Variants in IDH3A observed in about 807,000 individuals in gnomAD.
IDH3A encodes isocitrate dehydrogenase [NAD] subunit alpha, mitochondrial.
A neutral mutation model predicts 43.3 loss-of-function variants in IDH3A; 23 were observed. The observed-to-expected ratio is 0.53, with a 90% CI of 0.38 to 0.75. The LOEUF is 0.75. Ranked by LOEUF, IDH3A falls within the 30% of genes least tolerant of loss-of-function variation. IDH3A has a pLI of 0.00. For synonymous variants in IDH3A, 154 were observed against 163.5 expected (o/e 0.94, Z 0.44); for missense variants, 329 against 474.4 (o/e 0.69, Z 2.85).
Position 78,161,654 on chromosome 15 carries a change from C to T in IDH3A, c.363C>T (p.Tyr121=), listed in dbSNP as rs750230438. Residue 121 remains tyrosine, a synonymous_variant, in exon 5 of 11, where the codon TAC becomes TAT. Transcript: ENST00000299518. This position sits in a 1 kb window ranked among gnomAD's most constrained non-coding sequence, Gnocchi z 4.8. Reference sequence around the variant, plus strand: ...TGCTGCGCAAAACATTTGACCTTTACGCGAATGTCCGACCATGTGTCTCTA... The same window carrying T: ...TGCTGCGCAAAACATTTGACCTTTATGCGAATGTCCGACCATGTGTCTCTA... ...NLLLRKTFDL[Y]ANVRPCVSIE... is the part of the protein sequence containing the mutation. 2.3e-5 allele frequency: 37 copies of T among 1,614,046 alleles called. No individual in the cohort carries two copies. The highest frequency in any genetic ancestry group is 1.9e-4 in the South Asian group (17 of 91,090).
At chr15:78,164,039 T>G (rs1355964452) in intron 8 of IDH3A, among the ~76,000 whole-genome samples, 2 of 152,160 alleles carry the variant, frequency 1.3e-5, no homozygotes, top group Admixed American at 1.3e-4. Flanking sequence ...TTTAAATGTT[T>G]GATTGATTGA....
chr15:78,160,164 G>A lies in IDH3A; in HGVS notation c.247G>A (p.Glu83Lys), dbSNP rs1225201344. Residue 83 changes from glutamate (E) to lysine (K), a missense_variant, in exon 4 of 11, where the codon GAG (glutamate) becomes AAG (lysine). Physicochemically the swap from Glu to Lys is moderately conservative, Grantham distance 56. This residue lies in a region of IDH3A where 212 missense variants were observed against 345.5 expected (regional missense o/e 0.61). Coordinates refer to ENST00000299518, the MANE Select transcript of IDH3A (RefSeq NM_005530.3). ...GPGGKWMIPS[E>K]AKESMDKNKM... The stretch of plus-strand genomic sequence containing the variant: ...TGGAGGAAAGTGGATGATCCCTTCA[G>A]AGGCTAAAGAGTCCATGGATAAGAA... 1 of 1,612,966 alleles carries A rather than the reference G, an allele frequency of 6.2e-7. No individual in the cohort carries two copies. Among genetic ancestry groups the A allele is most frequent in the Non-Finnish European group, 8.5e-7 (1 of 1,178,922 alleles).
chr15:78,155,586 T>C (rs2074617040), intron 2 of IDH3A: 2 of 209,326 alleles, frequency 9.6e-6, no homozygotes, highest in South Asian at 1.9e-4. Flanking sequence ...TGAGACAGCT[T>C]TTTTCAAAAC....
Position 78,166,166 on chromosome 15 carries a change from C to T in IDH3A, c.881C>T (p.Pro294Leu), listed in dbSNP as rs2141302902. Residue 294 changes from proline to leucine, a missense_variant, in exon 10 of 11, where the codon CCA becomes CTA. Pro to Leu is a moderately conservative substitution (Grantham distance 98, BLOSUM62 -3). Around this residue, in one of 3 missense-constraint regions of IDH3A, gnomAD observed 91 missense variants for 111.6 expected, o/e 0.82. Transcript: ENST00000299518. The part of the protein sequence containing the change: ...AIFESVHGTA[P>L]DIAGKDMANP... ...GATGTGTAGGTTCATGGGACGGCTCCAGACATTGCAGGCAAGGACATGGCG... is the reference window on the plus strand; with the variant it reads ...GATGTGTAGGTTCATGGGACGGCTCTAGACATTGCAGGCAAGGACATGGCG... 1.2e-6 allele frequency: 2 copies of T among 1,614,146 alleles called. No individual in the cohort carries two copies. Among genetic ancestry groups the T allele is most frequent in the Non-Finnish European group, 8.5e-7 (1 of 1,179,988 alleles).
intron 4 of IDH3A, 57 bp downstream of exon 4, chr15:78,160,263 G>T: frequency 9.6e-7 from 1 of 1,043,498 alleles, no homozygotes; most frequent in Non-Finnish European, 1.5e-6. Flanking sequence ...GGGTTACTTA[G>T]TTTTGAAAAT....
Position 78,170,796 on chromosome 15 carries a change from C to G in IDH3A, c.*1791C>G, listed in dbSNP as rs2074810890. 1 of 152,842 alleles carries G rather than the reference C, an allele frequency of 6.5e-6. No homozygotes were observed. The highest frequency in any genetic ancestry group is 1.5e-5 in the Non-Finnish European group (1 of 68,214). 9.5% of individuals were successfully genotyped at this position (152,842 alleles called of 1,614,324 possible). On this transcript the variant is annotated 3_prime_UTR_variant, in exon 11 of 11. Coordinates refer to ENST00000299518, the MANE Select transcript of IDH3A (RefSeq NM_005530.3). ...TCCTGTGAGTTAAATGCCCACTACTCTCTGCACTGGTCCCACCTGCTCAAT... is the reference window on the plus strand; with the variant it reads ...TCCTGTGAGTTAAATGCCCACTACTGTCTGCACTGGTCCCACCTGCTCAAT...
chr15:78,155,682 T>C (rs3825848), intron 2 of IDH3A: 142,863 of 166,750 alleles, frequency 0.86, 61,370 homozygotes, highest in African/African-American at 0.91. Flanking sequence ...CCCAGTAGAT[T>C]GAGTGCCAAT....
At chr15:78,163,652 T>G in intron 7 of IDH3A, 43 bp downstream of exon 7, 1 of 1,547,460 alleles carries the variant, frequency 6.5e-7, no homozygotes, top group South Asian at 1.1e-5. Context: ...TTATGGTGAA[T>G]GGTGTCTGTG....
At chr15:78,153,099 T>C (rs1025323418) in intron 1 of IDH3A, among the ~76,000 whole-genome samples, 1 of 152,122 alleles carries the variant, frequency 6.6e-6, no homozygotes, top group African/African-American at 2.4e-5. Flanking sequence ...CGGGTCTTTT[T>C]CATTCTTTCT....
chr15:78,167,946 T>C (rs967539754), intron 10 of IDH3A: 2 of 152,196 alleles, frequency 1.3e-5, no homozygotes, highest in African/African-American at 4.8e-5. Context: ...AAAGTTATAT[T>C]TGGGAAGTTA....
chr15:78,168,118 A>G (rs542053403), intron 10 of IDH3A: 3 of 152,136 alleles, frequency 2.0e-5, no homozygotes, highest in Admixed American at 6.6e-5. Context: ...TCTTTCCTAA[A>G]GAGGGAGGTT....
In IDH3A at chr15:78,158,476, T is replaced by A. The variant is rs1347937485; in HGVS notation, c.174+845T>A. On this transcript the variant is annotated intron_variant, in intron 3 of 10. Transcript: ENST00000299518. Reference sequence around the variant, plus strand: ...ATATATATATATATTTTTTTTTTTTTTTTTTTTTTTTTTTTTTGAGACAGA... The same window carrying A: ...ATATATATATATATTTTTTTTTTTTATTTTTTTTTTTTTTTTTGAGACAGA... Among the ~76,000 whole-genome samples, 13 of 113,490 alleles carry A rather than the reference T, an allele frequency of 1.1e-4. 1 individual carries two copies. The highest frequency in any genetic ancestry group is 2.6e-4 in the African/African-American group (8 of 30,260). The allele number at this position is 113,490 out of a possible 152,430, so 74.5% of individuals were successfully genotyped here.
chr15:78,160,951 G>A (rs772657411), intron 4 of IDH3A, among the ~76,000 whole-genome samples: 5 of 151,996 alleles, frequency 3.3e-5, no homozygotes, highest in Non-Finnish European at 7.4e-5. Context: ...CCGTGATCTC[G>A]GCTCACTACA....
At chr15:78,162,185 G>C in intron 5 of IDH3A, 49 bp from the exon 6 acceptor site, 1 of 1,609,094 alleles carries the variant, frequency 6.2e-7, no homozygotes, top group Non-Finnish European at 8.5e-7. Flanking sequence ...GTCTCCCACT[G>C]CGTTGCTGTC....
chr15:78,157,163 G>A (rs1339501268), intron 2 of IDH3A: 1 of 1,110,272 alleles, frequency 9.0e-7, no homozygotes, highest in Admixed American at 4.6e-5. Flanking sequence ...CTAAATTTTA[G>A]TGAGAGAACA....
In IDH3A at chr15:78,163,766, T is replaced by C. The variant is rs1250162496; in HGVS notation, c.765T>C (p.Tyr255=). 2.5e-6 allele frequency: 4 copies of C among 1,610,392 alleles called. No homozygotes were observed. Among genetic ancestry groups the C allele is most frequent in the African/African-American group, 1.3e-5 (1 of 74,834 alleles). ...QFDVLVMPNL[Y]GDILSDLCAG... ...ATGTTCTTGTTATGCCAAATTTGTA[T>C]GGAGACATCCTTAGGTGAGTCTGGC... The change falls in exon 8 of 11, where the codon TAT becomes TAC. Residue 255 remains tyrosine, a synonymous_variant. Transcript: ENST00000299518.
chr15:78,149,384 C>T lies in IDH3A; in HGVS notation c.-20C>T. ...CGCACTGCCGCTGCGGCTGTTGCTGCGGAGCCAGGAGGGGAAGCGATGGCT... is the reference window on the plus strand; with the variant it reads ...CGCACTGCCGCTGCGGCTGTTGCTGTGGAGCCAGGAGGGGAAGCGATGGCT... On this transcript the variant is annotated 5_prime_UTR_variant, in exon 1 of 11. Coordinates refer to ENST00000299518, the MANE Select transcript of IDH3A (RefSeq NM_005530.3). 1 of 1,536,288 alleles carries T rather than the reference C, an allele frequency of 6.5e-7. No homozygotes were observed. The highest frequency in any genetic ancestry group is 1.2e-5 in the South Asian group (1 of 83,504).
intron 6 of IDH3A, among the ~76,000 whole-genome samples, chr15:78,162,689 G>A (rs1443528316): frequency 6.6e-6 from 1 of 152,002 alleles, no homozygotes; most frequent in Non-Finnish European, 1.5e-5. Flanking sequence ...GGGACTACAG[G>A]CACATGCCAC....
At chr15:78,165,522 A>T (rs577710663) in intron 9 of IDH3A, among the ~76,000 whole-genome samples, 1 of 152,046 alleles carries the variant, frequency 6.6e-6, no homozygotes, top group Admixed American at 6.5e-5. Context: ...CCCATATATA[A>T]ACATATATAT....
Sources: gnomAD v4.1 joint callset for allele counts (sites outside exome capture counted in the v4.1 genomes callset) on GRCh38, gnomAD v4.1.1 for gene constraint, gnomAD v4.1.1 regional missense constraint, Gnocchi (gnomAD v3.1) non-coding constraint, MANE v1.5 for transcripts, NCBI Gene and HGNC (gene_info 2026-07-23, HGNC 2026-07-21) for gene names.